Variants in WWOX observed in about 807,000 individuals in gnomAD.
WWOX encodes WW domain-containing oxidoreductase.
Under a neutral mutation model 46.2 loss-of-function variants are expected in WWOX, and 69 were observed. That is an observed-to-expected ratio of 1.49 (90% CI 1.23 to 1.82). The LOEUF is 1.82. Ranked by LOEUF, WWOX falls within the 40% of genes most tolerant of loss-of-function variation. The pLI is 0.00. For missense variants in WWOX, 919 were observed against 542.6 expected, an observed-to-expected ratio of 1.69 and a Z score of -6.89; for synonymous variants, 359 against 202.6, an observed-to-expected ratio of 1.77 and a Z score of -6.56.
intron 8 of WWOX, among the ~76,000 whole-genome samples, chr16:78,603,165 C>G (rs2667544): frequency 1.4e-4 from 21 of 152,184 alleles, no homozygotes; most frequent in Non-Finnish European, 2.9e-4. Context: ...CTGTTTTATG[C>G]ACATCATCTT....
In WWOX at chr16:78,099,809, G is replaced by A; in HGVS notation, c.31G>A (p.Asp11Asn). 3 of 1,575,434 alleles carry A rather than the reference G, an allele frequency of 1.9e-6. No individual in the cohort carries two copies. The highest frequency in any genetic ancestry group is 2.6e-6 in the Non-Finnish European group (3 of 1,161,990). ...AGCGCTGCGCTACGCGGGGCTGGAC[G>A]ACACGGACAGTGAGGACGAGCTGCC... is the stretch of plus-strand genomic sequence containing the variant. The part of the protein sequence containing the change: MAALRYAGLD[D>N]TDSEDELPPG... The change falls in exon 1 of 9, where the codon GAC becomes AAC. Residue 11 changes from aspartate (D) to asparagine (N), a missense_variant. Coordinates refer to ENST00000566780, the MANE Select transcript of WWOX (RefSeq NM_016373.4).
chr16:78,164,355 G>T, intron 5 of WWOX, 66 bp downstream of exon 5: 2 of 1,385,322 alleles, frequency 1.4e-6, no homozygotes, highest in Admixed American at 1.9e-5. Flanking sequence ...ACCATATGGA[G>T]ATTTCAGTGG....
chr16:78,436,021 A>C (rs2083327384), intron 8 of WWOX, among the ~76,000 whole-genome samples: 1 of 152,188 alleles, frequency 6.6e-6, no homozygotes, highest in Non-Finnish European at 1.5e-5. Flanking sequence ...CATGTTTGTT[A>C]ATTCGAACTG....
At chr16:78,943,214 C>G (rs1480349756) in intron 8 of WWOX, among the ~76,000 whole-genome samples, 1 of 152,134 alleles carries the variant, frequency 6.6e-6, no homozygotes, top group Non-Finnish European at 1.5e-5. Context: ...TTACAAATAA[C>G]CTCTTCCTTT....
chr16:78,839,267 C>T (rs1295734658), intron 8 of WWOX, among the ~76,000 whole-genome samples: 1 of 152,144 alleles, frequency 6.6e-6, no homozygotes. Context: ...TTCCTCCCTT[C>T]CAGTCTCTCT....
At chr16:78,996,472 A>G (rs1454083646) in intron 8 of WWOX, 2 of 276,534 alleles carry the variant, frequency 7.2e-6, no homozygotes, top group African/African-American at 4.6e-5. Flanking sequence ...GGCCGGACCC[A>G]TGGGTATGCA....
rs554464843 is a variant in WWOX at position 79,089,549 on chromosome 16, C to G, written c.1057-122059C>G. ...GTTTCTCCATATTGGTCAGGGTGGT[C>G]TCGAACTCCTGACCTCATGATCTGC... On this transcript the variant is annotated intron_variant, in intron 8 of 8. Transcript: ENST00000566780. Among the ~76,000 whole-genome samples, 16 of 152,152 alleles carry G rather than the reference C, an allele frequency of 1.1e-4. No individual in the cohort carries two copies. The East Asian group carries it at 3.1e-3, about 29-fold the overall frequency.
At chr16:78,265,688 A>C (rs1197544030) in intron 5 of WWOX, among the ~76,000 whole-genome samples, 1 of 151,224 alleles carries the variant, frequency 6.6e-6, no homozygotes, top group Non-Finnish European at 1.5e-5. Context: ...CAAAAAAAAA[A>C]AAAAACAACA....
In WWOX at chr16:78,201,784, C is replaced by T. The variant is rs947625350; in HGVS notation, c.516+37495C>T. 3.3e-5 allele frequency among the ~76,000 whole-genome samples: 5 copies of T among 152,058 alleles called. No homozygotes were observed. In the East Asian group the frequency reaches 9.7e-4, roughly 29 times the overall value. On this transcript the variant is annotated intron_variant, in intron 5 of 8. Transcript: ENST00000566780. ...GTGTGACCTTGACTCACTGCAACCT[C>T]TGCCTCCCAGGTTCAAGTGATTCTC...
Position 78,306,917 on chromosome 16 carries a change from C to G in WWOX, c.517-79943C>G, listed in dbSNP as rs1217545358. ...CTTGTGTAGTGTGTCTGTGAGTAGTCTGCCCACTCTCCTTATGACAGGTTT... is the reference window on the plus strand; with the variant it reads ...CTTGTGTAGTGTGTCTGTGAGTAGTGTGCCCACTCTCCTTATGACAGGTTT... On this transcript the variant is annotated intron_variant, in intron 5 of 8. Transcript: ENST00000566780. 1.3e-4 allele frequency among the ~76,000 whole-genome samples: 20 copies of G among 152,206 alleles called. 1 individual carries two copies. Among genetic ancestry groups the G allele is most frequent in the Admixed American group, 1.3e-3 (20 of 15,280 alleles).
At chr16:79,001,950 G>A (rs1479952498) in intron 8 of WWOX, among the ~76,000 whole-genome samples, 1 of 152,134 alleles carries the variant, frequency 6.6e-6, no homozygotes, top group Non-Finnish European at 1.5e-5. Context: ...AAAAAAAGAT[G>A]TAAGCTTTTA....
chr16:78,527,166 C>CA (rs2043491197), intron 8 of WWOX, among the ~76,000 whole-genome samples: 1 of 151,856 alleles, frequency 6.6e-6, no homozygotes, highest in Non-Finnish European at 1.5e-5. Context: ...AAAAAAACAA[C>CA]AAAAAAATGA....
intron 6 of WWOX, among the ~76,000 whole-genome samples, chr16:78,396,345 C>A (rs534523952): frequency 3.4e-4 from 51 of 152,198 alleles, no homozygotes; most frequent in African/African-American, 1.2e-3. Flanking sequence ...TATTAAAAGT[C>A]ATCACTGCCA....
At chr16:78,737,612 A>G (rs541287395) in intron 8 of WWOX, among the ~76,000 whole-genome samples, 1 of 152,036 alleles carries the variant, frequency 6.6e-6, no homozygotes, top group African/African-American at 2.4e-5. Context: ...TGAGTTCCCA[A>G]AGTCCATTGT....
chr16:78,621,070 C>T (rs922720380), intron 8 of WWOX, among the ~76,000 whole-genome samples: 1 of 152,176 alleles, frequency 6.6e-6, no homozygotes, highest in South Asian at 2.1e-4. Context: ...AACTTCCTTT[C>T]TCTTCTCCTG....
At chr16:78,473,655 T>C (rs1032386070) in intron 8 of WWOX, among the ~76,000 whole-genome samples, 7 of 152,274 alleles carry the variant, frequency 4.6e-5, no homozygotes, top group African/African-American at 1.4e-4. Flanking sequence ...AGTGCTGATA[T>C]GGAGCGTTTT....
At chr16:78,893,773 T>G (rs1205019299) in intron 8 of WWOX, among the ~76,000 whole-genome samples, 1 of 152,176 alleles carries the variant, frequency 6.6e-6, no homozygotes, top group African/African-American at 2.4e-5. Flanking sequence ...TTTCTCTGTC[T>G]TTCCCTGCCC....
chr16:78,774,068 G>T (rs9921512), intron 8 of WWOX, among the ~76,000 whole-genome samples: 113,699 of 152,028 alleles, frequency 0.75, 43,505 homozygotes, highest in Middle Eastern at 0.89. Flanking sequence ...AAGGAAGCCC[G>T]TCTAGGTCCT....
intron 8 of WWOX, among the ~76,000 whole-genome samples, chr16:78,724,510 A>G (rs12445273): frequency 6.6e-6 from 1 of 152,154 alleles, no homozygotes; most frequent in Admixed American, 6.5e-5. Context: ...TGATATTATT[A>G]TAGTTCTTTA....
Sources: allele counts gnomAD v4.1 joint callset (sites outside exome capture counted in the v4.1 genomes callset), GRCh38; gene constraint gnomAD v4.1.1; transcripts MANE v1.5; gene names NCBI Gene and HGNC (gene_info 2026-07-23, HGNC 2026-07-21).